The following GORASP1 variants were observed in gnomAD, a reference collection of about 807,000 sequenced individuals.
The protein encoded by GORASP1 is golgi reassembly stacking protein 1.
Under a neutral mutation model 37.7 loss-of-function variants are expected in GORASP1, and 31 were observed. That is an observed-to-expected ratio of 0.82 (90% CI 0.62 to 1.11). The LOEUF (loss-of-function observed/expected upper bound fraction) is 1.11. Among genes scored for constraint, GORASP1 ranks in the 50% least tolerant of loss-of-function variants. The pLI is 0.00. For synonymous variants in GORASP1, 204 were observed against 224.8 expected, an observed-to-expected ratio of 0.91 and a Z score of 0.83; for missense variants, 476 against 560.7, an observed-to-expected ratio of 0.85 and a Z score of 1.53.
At position 39,105,969 on chromosome 3, in the gene GORASP1, T is replaced by A. The variant is rs1277971531; in HGVS notation, c.63+1510A>T. Reference sequence around the variant, plus strand: ...ATATCTGTATTGTCCACTCTTTACTTCCTTCAGAAGCATCTGTTCGAATGT... The same window carrying A: ...ATATCTGTATTGTCCACTCTTTACTACCTTCAGAAGCATCTGTTCGAATGT... On this transcript the variant is annotated intron_variant, in intron 1 of 8. Coordinates refer to ENST00000319283, the MANE Select transcript of GORASP1 (RefSeq NM_031899.4). This position sits in a 1 kb window ranked among gnomAD's most constrained non-coding sequence, Gnocchi z 5.4. Among the ~76,000 whole-genome samples the A allele has an allele frequency of 1.3e-5, 2 of 152,190 alleles. No homozygotes were observed. The highest frequency in any genetic ancestry group is 3.8e-4 in the East Asian group (2 of 5,204).
chr3:39,106,670 C>T (rs117478970), intron 1 of GORASP1, among the ~76,000 whole-genome samples: 1 of 152,288 alleles, frequency 6.6e-6, no homozygotes, highest in East Asian at 1.9e-4. Context: ...CTCTTCCCCG[C>T]AGCGCTCCGG....
Position 39,100,972 on chromosome 3 carries a change from C to G in GORASP1, c.435+44G>C. 1.9e-6 allele frequency: 3 copies of G among 1,613,774 alleles called. No individual in the cohort carries two copies. Among genetic ancestry groups the G allele is most frequent in the Non-Finnish European group, 2.5e-6 (3 of 1,179,624 alleles). Reference sequence around the variant, plus strand: ...ATGGACAGCACCCTTCTCTTCACACCACATCCAGAGGGTCTGGGGAGGGGC... The same window carrying G: ...ATGGACAGCACCCTTCTCTTCACACGACATCCAGAGGGTCTGGGGAGGGGC... On this transcript the variant is annotated intron_variant, in intron 4 of 8. Coordinates refer to ENST00000319283, the MANE Select transcript of GORASP1 (RefSeq NM_031899.4). The surrounding 1 kb of genome is among the most constrained non-coding windows in gnomAD (Gnocchi z 4.6).
At chr3:39,099,119 T>C (rs1045401856) in intron 7 of GORASP1, 1 of 772,666 alleles carries the variant, frequency 1.3e-6, no homozygotes, top group African/African-American at 1.7e-5. Context: ...ACAGTGGCAG[T>C]AGGCATAGAC....
At chr3:39,104,441 C>T (rs947746729) in intron 1 of GORASP1, among the ~76,000 whole-genome samples, 1 of 152,220 alleles carries the variant, frequency 6.6e-6, no homozygotes, top group African/African-American at 2.4e-5. Context: ...CAGGCTTTGT[C>T]CCAAGGCCCT....
chr3:39,104,470 A>G (rs1313028627), intron 1 of GORASP1, among the ~76,000 whole-genome samples: 2 of 152,174 alleles, frequency 1.3e-5, no homozygotes, highest in African/African-American at 4.8e-5. Context: ...AGATGGGCCC[A>G]CACCCTCAGG....
Position 39,098,493 on chromosome 3 carries a change from C to T in GORASP1, c.1070-4G>A. 1.9e-6 allele frequency: 3 copies of T among 1,611,106 alleles called. No individual in the cohort carries two copies. Among genetic ancestry groups the T allele is most frequent in the African/African-American group, 1.3e-5 (1 of 74,992 alleles). ...GACCCAGACCATGTAGCCTCACCTG[C>T]AACACAGAAGATCAGGCTGAGGAGG... On this transcript the variant is annotated splice_region_variant and splice_polypyrimidine_tract_variant and intron_variant, in intron 8 of 8. Coordinates refer to ENST00000319283, the MANE Select transcript of GORASP1 (RefSeq NM_031899.4). This position sits in a 1 kb window ranked among gnomAD's most constrained non-coding sequence, Gnocchi z 4.7.
chr3:39,103,253 G>A lies in GORASP1; in HGVS notation c.144+220C>T, dbSNP rs1345810076. 4 of 589,660 alleles carry A rather than the reference G, an allele frequency of 6.8e-6. No homozygotes were observed. Among genetic ancestry groups the A allele is most frequent in the Non-Finnish European group, 1.2e-5 (4 of 332,402 alleles). 36.5% of individuals were successfully genotyped at this position (589,660 alleles called of 1,614,324 possible). ...CCTTGGGCCTTGTTGCCACCTCCAAGAGGCCATATGTCCTCTGTCCACCCC... is the reference window on the plus strand; with the variant it reads ...CCTTGGGCCTTGTTGCCACCTCCAAAAGGCCATATGTCCTCTGTCCACCCC... On this transcript the variant is annotated intron_variant, in intron 2 of 8. Coordinates refer to ENST00000319283, the MANE Select transcript of GORASP1 (RefSeq NM_031899.4). This position sits in a 1 kb window ranked among gnomAD's most constrained non-coding sequence, Gnocchi z 5.2.
In GORASP1 at chr3:39,098,188, T is replaced by C. The variant is rs1188786128; in HGVS notation, c.*48A>G. The C allele has an allele frequency of 6.3e-7, 1 of 1,593,828 alleles. No individual in the cohort carries two copies. The highest frequency in any genetic ancestry group is 1.1e-5 in the South Asian group (1 of 88,062). On this transcript the variant is annotated 3_prime_UTR_variant, in exon 9 of 9. Transcript: ENST00000319283. The surrounding 1 kb of genome is among the most constrained non-coding windows in gnomAD (Gnocchi z 4.7). ...GTGCAGCCCGGGCTGCCTGCCCACA[T>C]CTGGGCCTCATGAAATGTCATCATG...
At position 39,098,738 on chromosome 3, in the gene GORASP1, C is replaced by T. The variant is rs763282511; in HGVS notation, c.1069+3G>A. ...AGGACTTCGGAAGGTGATGGCCACT[C>T]ACCACCCCGCTCATGAGAACTGCTG... On this transcript the variant is annotated splice_donor_region_variant and intron_variant, in intron 8 of 8. Coordinates refer to ENST00000319283, the MANE Select transcript of GORASP1 (RefSeq NM_031899.4). The surrounding 1 kb of genome is among the most constrained non-coding windows in gnomAD (Gnocchi z 4.7). 8 of 1,613,314 alleles carry T rather than the reference C, an allele frequency of 5.0e-6. No individual in the cohort carries two copies. The Admixed American group carries it at 1.0e-4, about 20-fold the overall frequency.
chr3:39,101,804 C>G (rs2035737186), intron 3 of GORASP1, among the ~76,000 whole-genome samples: 1 of 152,160 alleles, frequency 6.6e-6, no homozygotes, highest in South Asian at 2.1e-4. Flanking sequence ...GAAAACAAAT[C>G]AGCCAACTTC....
chr3:39,101,027 T>C lies in GORASP1; in HGVS notation c.424A>G (p.Ile142Val), dbSNP rs1411765517. The change falls in exon 4 of 9, where the codon ATT (isoleucine) becomes GTT (valine). Residue 142 changes from isoleucine to valine, a missense_variant. Transcript: ENST00000319283. ...YTDYVVGSDQILQESEDFFTL... is the reference protein window; with the variant it reads ...YTDYVVGSDQVLQESEDFFTL... Reference sequence around the variant, plus strand: ...TGCGGGTTCCTCACCTCCTGGAGAATCTGGTCCGAACCAACCACATAGTCT... The same window carrying C: ...TGCGGGTTCCTCACCTCCTGGAGAACCTGGTCCGAACCAACCACATAGTCT... The C allele has an allele frequency of 3.1e-6, 5 of 1,614,156 alleles. No homozygotes were observed. The South Asian group carries it at 5.5e-5, about 18-fold the overall frequency.
rs550337348 is a variant in GORASP1, at chr3:39,097,061, A to G, written c.*1175T>C. The G allele has an allele frequency of 6.6e-6, 1 of 152,218 alleles. No homozygotes were observed. Among genetic ancestry groups the G allele is most frequent in the South Asian group, 2.1e-4 (1 of 4,834 alleles). The allele number at this position is 152,218 out of a possible 1,614,324, so 9.4% of individuals were successfully genotyped here. A position where few individuals can be genotyped will look rare whatever the true frequency, so the allele number is the denominator to read the frequency against. On this transcript the variant is annotated 3_prime_UTR_variant, in exon 9 of 9. Transcript: ENST00000319283. ...GTTTGCTTTAAATGAAGGGTTTGCT[A>G]ATTTGGGACCCTCCCTCCATATAGT...
In GORASP1 at chr3:39,100,923, C is replaced by T; in HGVS notation, c.436-46G>A. ...CTGAGGCCTGCTTCCAGGGCTAAAGCCTCAACAAAACCAGACACTTCTCAT... is the reference window on the plus strand; with the variant it reads ...CTGAGGCCTGCTTCCAGGGCTAAAGTCTCAACAAAACCAGACACTTCTCAT... On this transcript the variant is annotated intron_variant, in intron 4 of 8. Coordinates refer to ENST00000319283, the MANE Select transcript of GORASP1 (RefSeq NM_031899.4). The surrounding 1 kb of genome is among the most constrained non-coding windows in gnomAD (Gnocchi z 4.6). 6.2e-7 allele frequency: 1 copy of T among 1,613,952 alleles called. No homozygotes were observed. The highest frequency in any genetic ancestry group is 1.3e-5 in the African/African-American group (1 of 75,046).
Position 39,100,955 on chromosome 3 carries a change from C to T in GORASP1, c.435+61G>A, listed in dbSNP as rs1375290456. 1 of 1,613,276 alleles carries T rather than the reference C, an allele frequency of 6.2e-7. No individual in the cohort carries two copies. The highest frequency in any genetic ancestry group is 8.5e-7 in the Non-Finnish European group (1 of 1,179,298). On this transcript the variant is annotated intron_variant, in intron 4 of 8. Transcript: ENST00000319283. This position sits in a 1 kb window ranked among gnomAD's most constrained non-coding sequence, Gnocchi z 4.6. ...AAAACCAGACACTTCTCATGGACAG[C>T]ACCCTTCTCTTCACACCACATCCAG...
In GORASP1 at chr3:39,101,045, C is replaced by T; in HGVS notation, c.406G>A (p.Val136Met). ...LAGLRPYTDY[V>M]VGSDQILQES... Reference sequence around the variant, plus strand: ...TGGAGAATCTGGTCCGAACCAACCACATAGTCTGTGTAGGGGCGCAGGCCG... The same window carrying T: ...TGGAGAATCTGGTCCGAACCAACCATATAGTCTGTGTAGGGGCGCAGGCCG... Residue 136 changes from valine to methionine, a missense_variant, in exon 4 of 9, where the codon GTG becomes ATG. Val to Met is a conservative substitution (Grantham distance 21, BLOSUM62 1). Transcript: ENST00000319283. 1 of 1,614,178 alleles carries T rather than the reference C, an allele frequency of 6.2e-7. No homozygotes were observed. The highest frequency in any genetic ancestry group is 1.1e-5 in the South Asian group (1 of 91,084).
At position 39,100,922 on chromosome 3, in the gene GORASP1, G is replaced by A; in HGVS notation, c.436-45C>T. The A allele has an allele frequency of 6.2e-7, 1 of 1,614,004 alleles. No homozygotes were observed. Among genetic ancestry groups the A allele is most frequent in the Non-Finnish European group, 8.5e-7 (1 of 1,179,858 alleles). ...CCTGAGGCCTGCTTCCAGGGCTAAAGCCTCAACAAAACCAGACACTTCTCA... is the reference window on the plus strand; with the variant it reads ...CCTGAGGCCTGCTTCCAGGGCTAAAACCTCAACAAAACCAGACACTTCTCA... On this transcript the variant is annotated intron_variant, in intron 4 of 8. Transcript: ENST00000319283. The surrounding 1 kb of genome is among the most constrained non-coding windows in gnomAD (Gnocchi z 4.6).
At position 39,107,514 on chromosome 3, in the gene GORASP1, G is replaced by C. The variant is rs532946316; in HGVS notation, c.28C>G (p.Pro10Ala). ...TGGAAGCCCTCGGCGCCGCCTGCGG[G>C]CTGCTCAGCGCTGACGCCCAGGCCC... MGLGVSAEQ[P>A]AGGAEGFHLH... The change falls in exon 1 of 9, where the codon CCC becomes GCC. Residue 10 changes from proline to alanine, a missense_variant. Pro to Ala is a conservative substitution (Grantham distance 27). Transcript: ENST00000319283. 5 of 1,474,678 alleles carry C rather than the reference G, an allele frequency of 3.4e-6. No homozygotes were observed. In the South Asian group the frequency reaches 5.2e-5, roughly 15 times the overall value. The allele number at this position is 1,474,678 out of a possible 1,614,324, so 91.3% of individuals were successfully genotyped here.
rs1226085968 is a variant in GORASP1, at chr3:39,097,053, G to C, written c.*1183C>G. On this transcript the variant is annotated 3_prime_UTR_variant, in exon 9 of 9. Coordinates refer to ENST00000319283, the MANE Select transcript of GORASP1 (RefSeq NM_031899.4). ...TGACAAGGGTTTGCTTTAAATGAAG[G>C]GTTTGCTAATTTGGGACCCTCCCTC... 2.0e-5 allele frequency: 3 copies of C among 152,346 alleles called. No homozygotes were observed. In the East Asian group the frequency reaches 5.8e-4, roughly 29 times the overall value. The allele number at this position is 152,346 out of a possible 1,614,324, so 9.4% of individuals were successfully genotyped here. A position where few individuals can be genotyped will look rare whatever the true frequency, so the allele number is the denominator to read the frequency against.
Position 39,098,681 on chromosome 3 carries a change from C to T in GORASP1, c.1069+60G>A. ...TTCTGCCCAGCTGAGGAATTGAGGG[C>T]AGCCTTCCCAACAACCCGGGGTCCT... is the stretch of plus-strand genomic sequence containing the variant. On this transcript the variant is annotated intron_variant, in intron 8 of 8. Coordinates refer to ENST00000319283, the MANE Select transcript of GORASP1 (RefSeq NM_031899.4). The surrounding 1 kb of genome is among the most constrained non-coding windows in gnomAD (Gnocchi z 4.7). The T allele has an allele frequency of 1.3e-6, 2 of 1,581,420 alleles. No homozygotes were observed. The highest frequency in any genetic ancestry group is 1.7e-6 in the Non-Finnish European group (2 of 1,162,646).
Sources: gnomAD v4.1 joint callset for allele counts (sites outside exome capture counted in the v4.1 genomes callset) on GRCh38, gnomAD v4.1.1 for gene constraint, Gnocchi (gnomAD v3.1) non-coding constraint, MANE v1.5 for transcripts, NCBI Gene and HGNC (gene_info 2026-07-23, HGNC 2026-07-21) for gene names.